Variants in NRCAM observed in about 807,000 individuals in gnomAD.
The protein encoded by NRCAM is NgCAM-related cell adhesion molecule.
Under a neutral mutation model 156.5 loss-of-function variants are expected in NRCAM, and 83 were observed. That is an observed-to-expected ratio of 0.53 (90% confidence interval 0.44 to 0.64). The LOEUF is 0.64. NRCAM is among the 30% of genes least tolerant of loss of function. The pLI is 0.00. For missense variants in NRCAM, 1,417 were observed against 1,597.3 expected (o/e 0.89, Z 1.92); for synonymous variants, 538 against 563.9 (o/e 0.95, Z 0.65).
chr7:108,374,213 A>T (rs147360762), intron 2 of NRCAM, among the ~76,000 whole-genome samples: 5 of 152,310 alleles, frequency 3.3e-5, no homozygotes, highest in African/African-American at 1.2e-4. Context: ...AGAAGAAAAC[A>T]TTCCAGTGGA....
intron 2 of NRCAM, among the ~76,000 whole-genome samples, chr7:108,394,024 C>T (rs916009970): frequency 6.6e-6 from 1 of 152,210 alleles, no homozygotes; most frequent in Admixed American, 6.5e-5. Flanking sequence ...GGCCGTGGTG[C>T]TGTCACAACA....
chr7:108,229,086 T>C (rs1377588373), intron 8 of NRCAM, among the ~76,000 whole-genome samples: 1 of 152,208 alleles, frequency 6.6e-6, no homozygotes, highest in Non-Finnish European at 1.5e-5. Flanking sequence ...ATAGAACGTA[T>C]TTCCTACAGA....
chr7:108,328,938 C>A (rs1593609303), intron 2 of NRCAM, among the ~76,000 whole-genome samples: 1 of 152,136 alleles, frequency 6.6e-6, no homozygotes, highest in African/African-American at 2.4e-5. Flanking sequence ...TTCTTTATTT[C>A]AGCCTCAGAA....
At chr7:108,235,023 G>A (rs17155277) in intron 5 of NRCAM, among the ~76,000 whole-genome samples, 6,194 of 152,092 alleles carry the variant, frequency 0.041, 197 homozygotes, top group South Asian at 0.11. Context: ...TGATTCCTTT[G>A]GTTCAAATGA....
In NRCAM at chr7:108,326,973, T is replaced by A. The variant is rs563222157; in HGVS notation, c.-173-14242A>T. On this transcript the variant is annotated intron_variant, in intron 2 of 32. Transcript: ENST00000379028. Reference sequence around the variant, plus strand: ...TTTAAACAACACTTGGTTATTTTGGTATCTTTCTCCCTTCTCCCTCACTCT... The same window carrying A: ...TTTAAACAACACTTGGTTATTTTGGAATCTTTCTCCCTTCTCCCTCACTCT... Among the ~76,000 whole-genome samples the A allele has an allele frequency of 4.6e-5, 7 of 152,308 alleles. No homozygotes were observed. In the South Asian group the frequency reaches 1.5e-3, roughly 32 times the overall value.
At chr7:108,316,105 G>C (rs2098916379) in intron 2 of NRCAM, among the ~76,000 whole-genome samples, 1 of 152,188 alleles carries the variant, frequency 6.6e-6, no homozygotes, top group Admixed American at 6.5e-5. Context: ...TCAGAGGTGG[G>C]ATCTTTAAGA....
At chr7:108,345,327 A>C (rs1445313414) in intron 2 of NRCAM, among the ~76,000 whole-genome samples, 1 of 152,196 alleles carries the variant, frequency 6.6e-6, no homozygotes, top group Non-Finnish European at 1.5e-5. Context: ...TCTGGCAGTA[A>C]GTTCCCAAAA....
At chr7:108,324,194 G>A (rs1251731331) in intron 2 of NRCAM, among the ~76,000 whole-genome samples, 1 of 152,118 alleles carries the variant, frequency 6.6e-6, no homozygotes. Flanking sequence ...GGCTGAAGGG[G>A]AGTGAGATTG....
chr7:108,442,331 C>T (rs1839533497), intron 1 of NRCAM, among the ~76,000 whole-genome samples: 1 of 152,124 alleles, frequency 6.6e-6, no homozygotes, highest in Non-Finnish European at 1.5e-5. Context: ...AGGTGTATAA[C>T]ACATGCATAT....
intron 19 of NRCAM, among the ~76,000 whole-genome samples, chr7:108,190,219 A>AAT (rs1254421209): frequency 6.6e-6 from 1 of 152,248 alleles, no homozygotes; most frequent in African/African-American, 2.4e-5. Context: ...GCTCTGAAAG[A>AAT]ATATTTATAT....
intron 28 of NRCAM, among the ~76,000 whole-genome samples, chr7:108,168,685 A>G (rs1304668082): frequency 2.6e-5 from 4 of 152,190 alleles, no homozygotes; most frequent in African/African-American, 7.2e-5. Flanking sequence ...CATTAGATAC[A>G]GTCCCGGGAA....
rs142297316 is a variant in NRCAM, at chr7:108,383,379, C to G, written c.-174+16057G>C. On this transcript the variant is annotated intron_variant, in intron 2 of 32. Coordinates refer to ENST00000379028, the MANE Select transcript of NRCAM (RefSeq NM_001037132.4). ...AACCAGAAATAAAGACAAAAGCTGTCTTTTCTTGTAACATTAAAGTGAAAA... is the reference window on the plus strand; with the variant it reads ...AACCAGAAATAAAGACAAAAGCTGTGTTTTCTTGTAACATTAAAGTGAAAA... Among the ~76,000 whole-genome samples, 162 of 152,322 alleles carry G rather than the reference C, an allele frequency of 1.1e-3. 2 individuals carry two copies. Among genetic ancestry groups the G allele is most frequent in the African/African-American group, 3.7e-3 (154 of 41,582 alleles).
At chr7:108,326,603 G>A (rs1307304169) in intron 2 of NRCAM, among the ~76,000 whole-genome samples, 1 of 152,172 alleles carries the variant, frequency 6.6e-6, no homozygotes, top group Non-Finnish European at 1.5e-5. Context: ...GTCACTTGAA[G>A]AGCAAGAAAA....
chr7:108,164,573 G>GAGAGGAGAGGAGGAGC (rs1563211338), intron 30 of NRCAM, among the ~76,000 whole-genome samples: 3 of 151,928 alleles, frequency 2.0e-5, no homozygotes, highest in African/African-American at 7.2e-5. Context: ...GAGAGGAGAG[G>GAGAGGAGAGGAGGAGC]AGGAGCAGGA....
chr7:108,398,849 T>C (rs1034098697), intron 2 of NRCAM, among the ~76,000 whole-genome samples: 1 of 152,218 alleles, frequency 6.6e-6, no homozygotes, highest in Non-Finnish European at 1.5e-5. Flanking sequence ...CAAGGACTTA[T>C]CACCTTTGCT....
intron 2 of NRCAM, among the ~76,000 whole-genome samples, chr7:108,370,370 A>G (rs1441627467): frequency 6.6e-6 from 1 of 152,176 alleles, no homozygotes; most frequent in Admixed American, 6.6e-5. Context: ...CCTCGGAAAT[A>G]GAATCAGAGA....
At chr7:108,304,584 A>C (rs2098687403) in intron 3 of NRCAM, among the ~76,000 whole-genome samples, 2 of 152,194 alleles carry the variant, frequency 1.3e-5, no homozygotes, top group South Asian at 4.1e-4. Flanking sequence ...CAGGCATTAC[A>C]TGTAGATTCC....
intron 2 of NRCAM, among the ~76,000 whole-genome samples, chr7:108,347,721 T>G (rs2154286549): frequency 6.6e-6 from 1 of 152,312 alleles, no homozygotes. Context: ...TAAGTGAGAA[T>G]CTTTTGCCTA....
At chr7:108,189,809 C>T (rs560726863) in intron 19 of NRCAM, 63 bp from the exon 20 acceptor site, 151 of 708,282 alleles carry the variant, frequency 2.1e-4, no homozygotes, top group Admixed American at 7.7e-4. Context: ...CTCCTTTACT[C>T]GTGATACTAT....
Sources: gnomAD v4.1 joint callset for allele counts (sites outside exome capture counted in the v4.1 genomes callset) on GRCh38, gnomAD v4.1.1 for gene constraint, MANE v1.5 for transcripts, NCBI Gene and HGNC (gene_info 2026-07-23, HGNC 2026-07-21) for gene names.